The following EXO5 variants were observed in gnomAD, a reference collection of about 807,000 sequenced individuals.
EXO5 encodes the protein exonuclease V.
EXO5 carries 11 observed loss-of-function variants against 17.8 expected under a neutral mutation model. The observed-to-expected ratio is 0.62, with a 90% CI of 0.39 to 1.02. The LOEUF (loss-of-function observed/expected upper bound fraction) is 1.02, where lower values mean the gene tolerates loss of function less well. Ranked by LOEUF, EXO5 falls within the 50% of genes least tolerant of loss-of-function variation. The pLI is 0.00. For synonymous variants in EXO5, 147 were observed against 166.5 expected (o/e 0.88, Z 0.90); for missense variants, 364 against 434.8 (o/e 0.84, Z 1.45).
chr1:40,510,624 G>A (rs1645756845), intron 3 of EXO5, among the ~76,000 whole-genome samples: 2 of 152,222 alleles, frequency 1.3e-5, no homozygotes, highest in South Asian at 4.1e-4. Context: ...GGGAGTTAAT[G>A]TGTACACAGG....
chr1:40,515,240 A>G lies in EXO5; in HGVS notation c.696A>G (p.Lys232=). ...TCTTTGATGCCATGGTACAAGGAAA[A>G]GTGACCCCTGCTAGCCTAATCCACC... The part of the protein sequence containing the change: ...KYIFDAMVQG[K]VTPASLIHHT... Residue 232 remains lysine, a synonymous_variant, in exon 4 of 4, where the codon AAA becomes AAG. Coordinates refer to ENST00000415550, the MANE Select transcript of EXO5 (RefSeq NM_001346953.2). 6.2e-7 allele frequency: 1 copy of G among 1,614,070 alleles called. No individual in the cohort carries two copies. Among genetic ancestry groups the G allele is most frequent in the Non-Finnish European group, 8.5e-7 (1 of 1,180,008 alleles).
chr1:40,512,714 G>C (rs771802682), intron 3 of EXO5, among the ~76,000 whole-genome samples: 16 of 152,128 alleles, frequency 1.1e-4, no homozygotes, highest in Non-Finnish European at 2.1e-4. Flanking sequence ...CGATTTTCCT[G>C]CCTCAGCCTC....
intron 3 of EXO5, among the ~76,000 whole-genome samples, chr1:40,510,492 A>C (rs1045066651): frequency 2.0e-5 from 3 of 152,226 alleles, no homozygotes; most frequent in African/African-American, 7.2e-5. Context: ...TTCACAGAGA[A>C]TGCCCTGCTT....
rs1645864475 is a variant in EXO5 at position 40,515,255 on chromosome 1, C to G, written c.711C>G (p.Ser237Arg). The change falls in exon 4 of 4, where the codon AGC (serine) becomes AGG (arginine). Residue 237 changes from serine to arginine, a missense_variant. Transcript: ENST00000415550. The stretch of plus-strand genomic sequence containing the variant: ...TACAAGGAAAAGTGACCCCTGCTAG[C>G]CTAATCCACCACACAAAGTTGTGTC... ...AMVQGKVTPA[S>R]LIHHTKLCLE... 6.2e-7 allele frequency: 1 copy of G among 1,613,926 alleles called. No homozygotes were observed. The highest frequency in any genetic ancestry group is 8.5e-7 in the Non-Finnish European group (1 of 1,180,018).
Position 40,514,590 on chromosome 1 carries a change from G to T in EXO5, c.46G>T (p.Gly16Trp). The change falls in exon 4 of 4, where the codon GGG (glycine) becomes TGG (tryptophan). Residue 16 changes from glycine (G) to tryptophan (W), a missense_variant. Coordinates refer to ENST00000415550, the MANE Select transcript of EXO5 (RefSeq NM_001346953.2). The part of the protein sequence containing the change: ...EEETVSAEAS[G>W]FSDLSDSEFL... ...GGAGACAGTGTCAGCAGAAGCCTCA[G>T]GGTTCTCAGACTTGAGTGACTCAGA... The T allele has an allele frequency of 6.2e-7, 1 of 1,614,162 alleles. No homozygotes were observed.
At chr1:40,510,205 T>A (rs74068720) in intron 3 of EXO5, among the ~76,000 whole-genome samples, 8,789 of 150,588 alleles carry the variant, frequency 0.058, 358 homozygotes, top group African/African-American at 0.11. Flanking sequence ...TTTTTTTTTT[T>A]ATAAAAATCA....
intron 3 of EXO5, 56 bp from the exon 4 acceptor site, chr1:40,514,459 A>G: frequency 7.2e-7 from 1 of 1,390,614 alleles, no homozygotes; most frequent in Admixed American, 2.3e-5. Flanking sequence ...GAAATTTGAA[A>G]GTGCTTTTGA....
rs754840253 is a variant in EXO5 at position 40,515,065 on chromosome 1, G to A, written c.521G>A (p.Gly174Asp). ...TTTCCAGTGTTTGGGGAAGGGGAGG[G>A]TGTACTTCTTGTTGGAGTGATTGAT... Reference protein sequence around the residue: ...REFPVFGEGEGVLLVGVIDEL... With the variant: ...REFPVFGEGEDVLLVGVIDEL... Residue 174 changes from glycine to aspartate, a missense_variant, in exon 4 of 4, where the codon GGT becomes GAT. Gly to Asp is a moderately conservative substitution (Grantham distance 94, BLOSUM62 -1). Transcript: ENST00000415550. 23 of 1,614,122 alleles carry A rather than the reference G, an allele frequency of 1.4e-5. No individual in the cohort carries two copies. Among genetic ancestry groups the A allele is most frequent in the Non-Finnish European group, 1.7e-5 (20 of 1,180,010 alleles).
chr1:40,512,778 T>C (rs1309786312), intron 3 of EXO5, among the ~76,000 whole-genome samples: 1 of 152,110 alleles, frequency 6.6e-6, no homozygotes, highest in Non-Finnish European at 1.5e-5. Flanking sequence ...ATTTTTTGTA[T>C]TTTTAGTTTC....
chr1:40,512,594 T>C (rs1645799323), intron 3 of EXO5, among the ~76,000 whole-genome samples: 1 of 152,156 alleles, frequency 6.6e-6, no homozygotes, highest in Non-Finnish European at 1.5e-5. Context: ...CTTCTCTGTA[T>C]GTTTGAAAAT....
Position 40,515,423 on chromosome 1 carries a change from G to A in EXO5, c.879G>A (p.Glu293=). 2 of 1,614,002 alleles carry A rather than the reference G, an allele frequency of 1.2e-6. No individual in the cohort carries two copies. The highest frequency in any genetic ancestry group is 1.7e-6 in the Non-Finnish European group (2 of 1,180,012). The change falls in exon 4 of 4, where the codon GAG becomes GAA. Residue 293 remains glutamate, a synonymous_variant. Coordinates refer to ENST00000415550, the MANE Select transcript of EXO5 (RefSeq NM_001346953.2). ...DLPVIDILKI[E]YIHQETATVL... ...CAGTTATTGATATCTTGAAGATTGA[G>A]TATATCCACCAAGAGACTGCCACTG...
In EXO5 at chr1:40,515,866, A is replaced by C; in HGVS notation, c.*200A>C. The C allele has an allele frequency of 7.8e-6, 4 of 509,954 alleles. No individual in the cohort carries two copies. Among genetic ancestry groups the C allele is most frequent in the Non-Finnish European group, 1.4e-5 (4 of 284,902 alleles). 31.6% of individuals were successfully genotyped at this position (509,954 alleles called of 1,614,324 possible). ...GAGAGATGGGTTATACTGTCCCTGG[A>C]GCTTCATCATGATTGCCTGAGAAGA... On this transcript the variant is annotated 3_prime_UTR_variant, in exon 4 of 4. Transcript: ENST00000415550.
chr1:40,508,986 C>T lies in EXO5; in HGVS notation c.-264+78C>T, dbSNP rs1557576793. On this transcript the variant is annotated intron_variant, in intron 1 of 3. Coordinates refer to ENST00000415550, the MANE Select transcript of EXO5 (RefSeq NM_001346953.2). The surrounding 1 kb of genome is among the most constrained non-coding windows in gnomAD (Gnocchi z 4.2). ...TTCTGTCCCTGCGATCGCCGCGTCT[C>T]CCTCCCTTGGTGGGCGCGGCTCCCG... 6.6e-6 allele frequency: 1 copy of T among 152,412 alleles called. No homozygotes were observed. The highest frequency in any genetic ancestry group is 3.4e-3 in the Middle Eastern group (1 of 294). 9.4% of individuals were successfully genotyped at this position (152,412 alleles called of 1,614,324 possible). A position where few individuals can be genotyped will look rare whatever the true frequency, so the allele number is the denominator to read the frequency against.
chr1:40,515,569 A>G lies in EXO5; in HGVS notation c.1025A>G (p.Lys342Arg). ...PQGVDVEEAW[K>R]CRTCTYADIC... ...GGAGTTGACGTGGAGGAGGCTTGGA[A>G]GTGCCGGACGTGTACCTATGCAGAC... is the stretch of plus-strand genomic sequence containing the variant. Residue 342 changes from lysine to arginine, a missense_variant, in exon 4 of 4, where the codon AAG becomes AGG. By Grantham distance (26) the Lys-to-Arg change is conservative. Coordinates refer to ENST00000415550, the MANE Select transcript of EXO5 (RefSeq NM_001346953.2). The G allele has an allele frequency of 1.2e-6, 2 of 1,613,072 alleles. No individual in the cohort carries two copies. Among genetic ancestry groups the G allele is most frequent in the Non-Finnish European group, 1.7e-6 (2 of 1,179,764 alleles).
At position 40,514,962 on chromosome 1, in the gene EXO5, GAAGATGCTTGGGCAATT is replaced by G; in HGVS notation, c.422_438del (p.Asp141ValfsTer36). On this transcript the variant is annotated frameshift_variant, in exon 4 of 4. Coordinates refer to ENST00000415550, the MANE Select transcript of EXO5 (RefSeq NM_001346953.2). LOFTEE classifies it high-confidence loss of function. ...TGTGACTGTCCCAGTCACCACTAAAGAAGATGCTTGGGCAATTAAGTTTCTGAACATACTTTTGCTGA... is the reference window on the plus strand; with the variant it reads ...TGTGACTGTCCCAGTCACCACTAAAGAAGTTTCTGAACATACTTTTGCTGA... The G allele has an allele frequency of 6.2e-7, 1 of 1,614,070 alleles. No homozygotes were observed. Among genetic ancestry groups the G allele is most frequent in the Non-Finnish European group, 8.5e-7 (1 of 1,179,970 alleles).
rs1349187585 is a variant in EXO5 at position 40,510,242 on chromosome 1, G to A, written c.-31+452G>A. ...ACTTGTCCTAAGAAACAATATCTGT[G>A]AAATTAGCCATTTGATGGCTGCTCC... is the stretch of plus-strand genomic sequence containing the variant. On this transcript the variant is annotated intron_variant, in intron 3 of 3. Coordinates refer to ENST00000415550, the MANE Select transcript of EXO5 (RefSeq NM_001346953.2). Among the ~76,000 whole-genome samples the A allele has an allele frequency of 2.6e-5, 4 of 151,644 alleles. No individual in the cohort carries two copies. The East Asian group carries it at 7.7e-4, about 29-fold the overall frequency.
At position 40,515,339 on chromosome 1, in the gene EXO5, G is replaced by C; in HGVS notation, c.795G>C (p.Val265=). 1 of 1,613,958 alleles carries C rather than the reference G, an allele frequency of 6.2e-7. No individual in the cohort carries two copies. The highest frequency in any genetic ancestry group is 8.5e-7 in the Non-Finnish European group (1 of 1,180,024). The change falls in exon 4 of 4, where the codon GTG becomes GTC. Residue 265 remains valine (V), a synonymous_variant. Coordinates refer to ENST00000415550, the MANE Select transcript of EXO5 (RefSeq NM_001346953.2). ...ATGCCCAGCAGGGAGGCTTCTCTGT[G>C]AAGTCTTTGGGTGACCTCATGGAAC... ...LRHAQQGGFS[V]KSLGDLMELV... is the part of the protein sequence containing the mutation.
At chr1:40,514,423 T>G (rs1164027139) in intron 3 of EXO5, 92 bp from the exon 4 acceptor site, 7 of 986,510 alleles carry the variant, frequency 7.1e-6, no homozygotes, top group Non-Finnish European at 4.5e-6. Context: ...ATAAATAATT[T>G]GTCATAATTT....
In EXO5 at chr1:40,514,785, TTA is replaced by T. The variant is rs746416501; in HGVS notation, c.245_246del (p.Tyr82CysfsTer3). The stretch of plus-strand genomic sequence containing the variant: ...CATGGAGAGATTCCACCTTAAATAT[TTA>T]TATGTCACTGACCTGGCTACTCAGA... ...SPMERFHLKY[L>X]YVTDLATQNW... On this transcript the variant is annotated frameshift_variant, in exon 4 of 4. Transcript: ENST00000415550. LOFTEE classifies it high-confidence loss of function. 6.2e-7 allele frequency: 1 copy of T among 1,613,990 alleles called. No homozygotes were observed. Among genetic ancestry groups the T allele is most frequent in the Non-Finnish European group, 8.5e-7 (1 of 1,180,024 alleles).
Sources: allele counts gnomAD v4.1 joint callset (sites outside exome capture counted in the v4.1 genomes callset), GRCh38; gene constraint gnomAD v4.1.1; non-coding constraint Gnocchi (gnomAD v3.1); transcripts MANE v1.5; gene names NCBI Gene and HGNC (gene_info 2026-07-23, HGNC 2026-07-21).